The following PUDP variants were observed in gnomAD, a reference collection of about 807,000 sequenced individuals.
PUDP encodes the protein pseudouridine 5'-phosphatase.
A neutral mutation model predicts 9.4 loss-of-function variants in PUDP; 8 were observed. The ratio of observed to expected loss-of-function variants is 0.85; its 90% CI spans 0.50 to 1.53. PUDP has a LOEUF of 1.53. Ranked by LOEUF, PUDP falls within the 40% of genes most tolerant of loss-of-function variation. PUDP has a pLI of 0.00. For missense variants in PUDP, 188 were observed against 189.7 expected (o/e 0.99, Z 0.05); for synonymous variants, 99 against 80.7 (o/e 1.23, Z -1.22).
At chrX:7,077,554 G>T in intron 2 of PUDP, 105 bp from the exon 3 acceptor site, 1 of 597,297 alleles carries the variant, frequency 1.7e-6, no homozygotes, top group Non-Finnish European at 2.7e-6. Context: ...CTCTCAGGCT[G>T]CTCCTTTTGA....
At chrX:6,929,778 T>C (rs141520220) in intron 3 of PUDP, among the ~76,000 whole-genome samples, 1,864 of 111,895 alleles carry the variant, frequency 0.017, 43 homozygotes, top group African/African-American at 0.056. Flanking sequence ...TAATATTTTA[T>C]TATACACATG....
intron 1 of PUDP, among the ~76,000 whole-genome samples, chrX:6,986,569 C>A (rs1277656164): frequency 8.9e-6 from 1 of 112,019 alleles, no homozygotes; most frequent in Non-Finnish European, 1.9e-5. Flanking sequence ...ATAAATTGTA[C>A]CCCGAAGAGG....
chrX:6,858,318 CTTTCT>C (rs1926939976), intron 3 of PUDP, among the ~76,000 whole-genome samples: 1 of 92,119 alleles, frequency 1.1e-5, no homozygotes, highest in Admixed American at 1.3e-4. Flanking sequence ...TTTTTTTTTT[CTTTCT>C]TTTTTTTTTT....
At chrX:7,094,353 A>ATT (rs57548230) in intron 2 of PUDP, among the ~76,000 whole-genome samples, 12 of 73,465 alleles carry the variant, frequency 1.6e-4, no homozygotes, top group East Asian at 8.6e-4. Context: ...GAATAAGCTG[A>ATT]TTTTTTTTTT....
At chrX:7,092,296 T>G (rs1931442531) in intron 2 of PUDP, among the ~76,000 whole-genome samples, 2 of 113,021 alleles carry the variant, frequency 1.8e-5, no homozygotes, top group Admixed American at 9.3e-5. Context: ...TTTAAATAAC[T>G]CACATCAAAA....
intron 3 of PUDP, among the ~76,000 whole-genome samples, chrX:6,795,658 A>C (rs1397253052): frequency 2.7e-5 from 3 of 111,570 alleles, no homozygotes; most frequent in African/African-American, 9.8e-5. Context: ...AAAGGACGAC[A>C]CCATTTCTAT....
At chrX:7,138,223 C>T (rs887989358) in intron 1 of PUDP, among the ~76,000 whole-genome samples, 57 of 111,515 alleles carry the variant, frequency 5.1e-4, no homozygotes, top group African/African-American at 1.7e-3. Context: ...GATAACCATC[C>T]TAGACTCTTC....
intron 1 of PUDP, among the ~76,000 whole-genome samples, chrX:7,146,837 T>G (rs928976896): frequency 0.014 from 283 of 19,797 alleles, no homozygotes; most frequent in African/African-American, 0.072. Flanking sequence ...GCTGCAGGGT[T>G]TTTTTTTTTT....
intron 3 of PUDP, among the ~76,000 whole-genome samples, chrX:6,937,384 G>A (rs1928322655): frequency 9.2e-6 from 1 of 108,792 alleles, no homozygotes; most frequent in Non-Finnish European, 1.9e-5. Context: ...AATGGGGAAA[G>A]GATTCCCTAT....
intron 3 of PUDP, among the ~76,000 whole-genome samples, chrX:6,905,805 G>C (rs765247473): frequency 1.8e-5 from 2 of 111,700 alleles, no homozygotes; most frequent in Non-Finnish European, 3.8e-5. Flanking sequence ...ATTTCCATGA[G>C]GGAATCACAT....
chrX:6,891,772 G>A (rs1927520116), intron 3 of PUDP, among the ~76,000 whole-genome samples: 2 of 112,019 alleles, frequency 1.8e-5, no homozygotes. Flanking sequence ...GCAGAGTCCA[G>A]TGGAAGGGGC....
chrX:6,867,595 G>A (rs940145224), intron 3 of PUDP, among the ~76,000 whole-genome samples: 6 of 110,437 alleles, frequency 5.4e-5, no homozygotes, highest in South Asian at 3.9e-4. Flanking sequence ...TAGTGGTGAC[G>A]GTGTTGTTGG....
chrX:7,135,251 C>T (rs1932714060), intron 1 of PUDP, among the ~76,000 whole-genome samples: 1 of 112,216 alleles, frequency 8.9e-6, no homozygotes, highest in South Asian at 3.7e-4. Context: ...TATAAGGCTA[C>T]TTAGGAGCAT....
At chrX:7,006,748 G>A (rs1929408784) in intron 1 of PUDP, among the ~76,000 whole-genome samples, 1 of 111,482 alleles carries the variant, frequency 9.0e-6, no homozygotes, top group African/African-American at 3.3e-5. Flanking sequence ...AGAACATGGT[G>A]TGACTGCTCT....
chrX:6,780,971 C>T (rs958547539), intron 3 of PUDP, among the ~76,000 whole-genome samples: 5 of 111,011 alleles, frequency 4.5e-5, no homozygotes, highest in South Asian at 3.9e-4. Flanking sequence ...GCAGGATAAT[C>T]GCTTGAGCCT....
intron 3 of PUDP, among the ~76,000 whole-genome samples, chrX:6,929,646 C>G: frequency 8.9e-6 from 1 of 112,221 alleles, no homozygotes; most frequent in Admixed American, 9.4e-5. Flanking sequence ...ATCCAGCTCC[C>G]CTTTTCTGTC....
At chrX:6,888,253 C>G (rs1206691417) in intron 3 of PUDP, among the ~76,000 whole-genome samples, 3 of 111,028 alleles carry the variant, frequency 2.7e-5, no homozygotes, top group Non-Finnish European at 5.7e-5. Context: ...GACTGCCTCC[C>G]TTCAGTTTCG....
chrX:6,932,325 A>C (rs986198353), intron 3 of PUDP, among the ~76,000 whole-genome samples: 16 of 111,882 alleles, frequency 1.4e-4, no homozygotes, highest in Non-Finnish European at 2.6e-4. Context: ...TCCCATGATT[A>C]AACGTGTGAG....
At chrX:7,007,491 GAC>G (rs1482951543) in intron 1 of PUDP, among the ~76,000 whole-genome samples, 2 of 112,608 alleles carry the variant, frequency 1.8e-5, no homozygotes, top group Non-Finnish European at 3.8e-5. Context: ...AGCAGTGTCT[GAC>G]ACACACACAG....
Sources: allele counts gnomAD v4.1 joint callset (sites outside exome capture counted in the v4.1 genomes callset), GRCh38; gene constraint gnomAD v4.1.1; transcripts MANE v1.5; gene names NCBI Gene and HGNC (gene_info 2026-07-23, HGNC 2026-07-21).